Variants in ZCCHC14 observed in about 807,000 individuals in gnomAD.
The protein encoded by ZCCHC14 is zinc finger CCHC-type containing 14.
In ZCCHC14, 16 loss-of-function variants were observed where a neutral mutation model predicts 85.0. The observed-to-expected ratio is 0.19, with a 90% CI of 0.13 to 0.29. The LOEUF (loss-of-function observed/expected upper bound fraction) is 0.29, where lower values mean the gene tolerates loss of function less well. ZCCHC14 is among the 10% of genes least tolerant of loss of function. The pLI, the probability that ZCCHC14 is intolerant of heterozygous loss-of-function variation, is 1.00. For missense variants in ZCCHC14, 1,303 were observed against 1,443.5 expected (o/e 0.90, Z 1.58); for synonymous variants, 775 against 630.7 (o/e 1.23, Z -3.43).
At chr16:87,474,744 C>T (rs755319627) in intron 1 of ZCCHC14, among the ~76,000 whole-genome samples, 2 of 152,154 alleles carry the variant, frequency 1.3e-5, no homozygotes, top group Admixed American at 6.5e-5. Context: ...TAGATGATCG[C>T]AGCTGGAAAG....
chr16:87,468,721 A>T (rs1049398091), intron 1 of ZCCHC14, among the ~76,000 whole-genome samples: 16 of 152,154 alleles, frequency 1.1e-4, no homozygotes, highest in Non-Finnish European at 2.9e-5. Flanking sequence ...ACAGCTGAAA[A>T]CATTTTCTGT....
chr16:87,428,535 T>A (rs990764937), intron 3 of ZCCHC14, among the ~76,000 whole-genome samples: 1 of 152,252 alleles, frequency 6.6e-6, no homozygotes, highest in Non-Finnish European at 1.5e-5. Context: ...AAAATTTGAA[T>A]CTTCAAGTAT....
chr16:87,424,292 G>T (rs1316645670), intron 3 of ZCCHC14, among the ~76,000 whole-genome samples: 2 of 152,186 alleles, frequency 1.3e-5, no homozygotes, highest in African/African-American at 4.8e-5. Flanking sequence ...ACCGGTAAGG[G>T]CCCGTGGTGC....
At chr16:87,423,930 T>G in intron 3 of ZCCHC14, 49 bp from the exon 4 acceptor site, 3 of 1,599,734 alleles carry the variant, frequency 1.9e-6, no homozygotes, top group Non-Finnish European at 2.6e-6. Context: ...ACCACATACT[T>G]GGTTCCCAGC....
chr16:87,409,946 C>A lies in ZCCHC14; in HGVS notation c.*334G>T. 1 of 205,368 alleles carries A rather than the reference C, an allele frequency of 4.9e-6. No homozygotes were observed. The highest frequency in any genetic ancestry group is 9.7e-6 in the Non-Finnish European group (1 of 102,860). 12.7% of individuals were successfully genotyped at this position (205,368 alleles called of 1,614,324 possible). A position where few individuals can be genotyped will look rare whatever the true frequency, so the allele number is the denominator to read the frequency against. On this transcript the variant is annotated 3_prime_UTR_variant, in exon 13 of 13. Transcript: ENST00000671377. ...TCGATTCAGACCACGTGTAGCTGCC[C>A]TGGAATTGACGTGTGAGCCTAGGAG...
intron 2 of ZCCHC14, among the ~76,000 whole-genome samples, chr16:87,454,777 T>C (rs1963626532): frequency 6.6e-6 from 1 of 152,228 alleles, no homozygotes; most frequent in South Asian, 2.1e-4. Context: ...CCTAGCCCTG[T>C]TTTACATGGT....
intron 1 of ZCCHC14, among the ~76,000 whole-genome samples, chr16:87,477,932 C>A (rs1912097190): frequency 6.6e-6 from 1 of 151,358 alleles, no homozygotes; most frequent in Admixed American, 6.6e-5. Context: ...CCGCACACAC[C>A]TGGGGAACAC....
intron 2 of ZCCHC14, among the ~76,000 whole-genome samples, chr16:87,458,169 C>T (rs1911067977): frequency 6.6e-6 from 1 of 152,064 alleles, no homozygotes; most frequent in Non-Finnish European, 1.5e-5. Context: ...GGGTCCATCC[C>T]TTAAGATTCA....
rs12051182 is a variant in ZCCHC14, at chr16:87,484,438, C to T, written c.570+7231G>A. 6.0e-3 allele frequency among the ~76,000 whole-genome samples: 918 copies of T among 152,250 alleles called. 25 individuals carry two copies. In the East Asian group the frequency reaches 0.087, roughly 14 times the overall value. ...TCGAGGCAAAAGGCAGGTCACAGGA[C>T]GCTGAGGAATAACTGAAGGTGAGGA... On this transcript the variant is annotated intron_variant, in intron 1 of 12. Coordinates refer to ENST00000671377, the MANE Select transcript of ZCCHC14 (RefSeq NM_015144.3).
chr16:87,435,161 T>C (rs753266766), intron 2 of ZCCHC14, among the ~76,000 whole-genome samples: 3 of 152,168 alleles, frequency 2.0e-5, no homozygotes, highest in Admixed American at 6.5e-5. Context: ...TCTCCTAACA[T>C]ACACGAACCT....
At position 87,415,918 on chromosome 16, in the gene ZCCHC14, TTTTG is replaced by T. The variant is rs751041717; in HGVS notation, c.1384-555_1384-552del. 8.5e-4 allele frequency among the ~76,000 whole-genome samples: 130 copies of T among 152,120 alleles called. 1 individual carries two copies. Among genetic ancestry groups the T allele is most frequent in the Middle Eastern group, 6.8e-3 (2 of 294 alleles). ...GACAAAAATCTCGCTCTTATTTTGTTTTTGTTTGTTTGTTTTTTTGTTTTTTGAG... is the reference window on the plus strand; with the variant it reads ...GACAAAAATCTCGCTCTTATTTTGTTTTTGTTTGTTTTTTTGTTTTTTGAG... On this transcript the variant is annotated intron_variant, in intron 8 of 12. Transcript: ENST00000671377.
intron 2 of ZCCHC14, among the ~76,000 whole-genome samples, chr16:87,450,533 G>T (rs1910646112): frequency 6.6e-6 from 1 of 150,562 alleles, no homozygotes; most frequent in Non-Finnish European, 1.5e-5. Context: ...CAAAAGTAGT[G>T]AGTAATTGGG....
intron 1 of ZCCHC14, among the ~76,000 whole-genome samples, chr16:87,464,210 C>T (rs1213223927): frequency 2.0e-5 from 3 of 152,200 alleles, no homozygotes; most frequent in Admixed American, 2.0e-4. Flanking sequence ...GAAAACACAG[C>T]CTTGGAGAGA....
At chr16:87,452,145 A>G (rs1288769296) in intron 2 of ZCCHC14, among the ~76,000 whole-genome samples, 1 of 152,242 alleles carries the variant, frequency 6.6e-6, no homozygotes, top group Non-Finnish European at 1.5e-5. Flanking sequence ...ACAAAGTGAC[A>G]GATAAGATGG....
intron 2 of ZCCHC14, among the ~76,000 whole-genome samples, chr16:87,436,628 C>T (rs376868852): frequency 5.9e-5 from 9 of 152,332 alleles, no homozygotes; most frequent in South Asian, 4.1e-4. Context: ...GCCGGGCTTA[C>T]GCCTAAGTGA....
chr16:87,474,886 G>A (rs1443048237), intron 1 of ZCCHC14, among the ~76,000 whole-genome samples: 3 of 152,230 alleles, frequency 2.0e-5, no homozygotes, highest in African/African-American at 7.2e-5. Context: ...TACAGCAACT[G>A]AGCAGAGATA....
At chr16:87,417,373 G>A (rs1908842640) in intron 8 of ZCCHC14, 87 bp downstream of exon 8, 1 of 1,542,166 alleles carries the variant, frequency 6.5e-7, no homozygotes, top group Non-Finnish European at 8.8e-7. Flanking sequence ...CATCCACCTT[G>A]TGTTGGTTTG....
At chr16:87,479,157 C>T (rs1912154838) in intron 1 of ZCCHC14, among the ~76,000 whole-genome samples, 1 of 151,986 alleles carries the variant, frequency 6.6e-6, no homozygotes, top group East Asian at 1.9e-4. Context: ...TGGCTCACAC[C>T]TGGAATCCCA....
intron 1 of ZCCHC14, among the ~76,000 whole-genome samples, chr16:87,469,799 A>G (rs1911698047): frequency 6.6e-6 from 1 of 152,000 alleles, no homozygotes; most frequent in East Asian, 1.9e-4. Flanking sequence ...CATCTGCTGC[A>G]CCCCTGTGGG....
Sources: gnomAD v4.1 joint callset for allele counts (sites outside exome capture counted in the v4.1 genomes callset) on GRCh38, gnomAD v4.1.1 for gene constraint, MANE v1.5 for transcripts, NCBI Gene and HGNC (gene_info 2026-07-23, HGNC 2026-07-21) for gene names.